RUNDC3B: variants seen among roughly 807,000 people sequenced by gnomAD.
RUNDC3B encodes the protein RUN domain containing 3B.
Under a neutral mutation model 58.4 loss-of-function variants are expected in RUNDC3B, and 33 were observed. The observed-to-expected ratio is 0.56, with a 90% CI of 0.43 to 0.75. RUNDC3B has a LOEUF of 0.75. RUNDC3B is among the 30% of genes least tolerant of loss of function. RUNDC3B has a pLI of 0.00. For synonymous variants in RUNDC3B, 193 were observed against 195.2 expected, an observed-to-expected ratio of 0.99 and a Z score of 0.10; for missense variants, 501 against 535.7, an observed-to-expected ratio of 0.94 and a Z score of 0.64.
chr7:87,766,134 T>A (rs548902918), intron 6 of RUNDC3B, among the ~76,000 whole-genome samples: 88 of 152,314 alleles, frequency 5.8e-4, no homozygotes, highest in Non-Finnish European at 9.4e-4. Flanking sequence ...TGTTTTCCTG[T>A]TGCATGATAC....
chr7:87,750,150 T>C (rs1235412725), intron 6 of RUNDC3B, among the ~76,000 whole-genome samples: 1 of 152,148 alleles, frequency 6.6e-6, no homozygotes, highest in Non-Finnish European at 1.5e-5. Flanking sequence ...GTTCTTGCGA[T>C]AGTTTACTGA....
intron 1 of RUNDC3B, chr7:87,629,310 T>C (rs1054962453): frequency 1.0e-5 from 2 of 192,244 alleles, no homozygotes; most frequent in Non-Finnish European, 2.1e-5. Flanking sequence ...GATAAAGTGG[T>C]AGTTACTGTG....
At chr7:87,684,248 T>C (rs1329667527) in intron 2 of RUNDC3B, among the ~76,000 whole-genome samples, 8 of 152,228 alleles carry the variant, frequency 5.3e-5, no homozygotes, top group Admixed American at 5.2e-4. Context: ...GTTGTTAAGA[T>C]GTCAGTTCTT....
intron 4 of RUNDC3B, among the ~76,000 whole-genome samples, chr7:87,725,869 G>T (rs988913026): frequency 7.1e-4 from 108 of 152,210 alleles, no homozygotes; most frequent in Admixed American, 1.0e-3. Context: ...TCATGTGTCT[G>T]TTGGCTGCAT....
chr7:87,737,140 C>A (rs1215401750), intron 4 of RUNDC3B, among the ~76,000 whole-genome samples: 4 of 151,574 alleles, frequency 2.6e-5, no homozygotes, highest in African/African-American at 7.3e-5. Flanking sequence ...CTCAAATGAT[C>A]TGCCTGTTAA....
chr7:87,829,825 T>C (rs1263912837), intron 10 of RUNDC3B, 60 bp from the exon 11 acceptor site: 2 of 1,232,070 alleles, frequency 1.6e-6, no homozygotes, highest in African/African-American at 1.5e-5. Flanking sequence ...GGTTTTAGGA[T>C]CTTATTTGTA....
chr7:87,691,542 A>C (rs1176342592), intron 2 of RUNDC3B, among the ~76,000 whole-genome samples: 2 of 152,198 alleles, frequency 1.3e-5, no homozygotes, highest in Non-Finnish European at 2.9e-5. Flanking sequence ...TTATAACAAA[A>C]GGTTTTGTTT....
chr7:87,775,836 G>A (rs1376100952), intron 7 of RUNDC3B, among the ~76,000 whole-genome samples: 1 of 152,132 alleles, frequency 6.6e-6, no homozygotes, highest in African/African-American at 2.4e-5. Context: ...GCCTAGTTGT[G>A]TAGTAGACTC....
intron 4 of RUNDC3B, among the ~76,000 whole-genome samples, chr7:87,715,328 T>TATAATCA (rs1324847668): frequency 4.1e-5 from 5 of 121,530 alleles, no homozygotes; most frequent in African/African-American, 1.4e-4. Context: ...ATAATAATTA[T>TATAATCA]ATATAATTAA....
chr7:87,714,316 G>T (rs1465914211), intron 4 of RUNDC3B, among the ~76,000 whole-genome samples: 2 of 152,160 alleles, frequency 1.3e-5, no homozygotes. Context: ...CAATGCACTG[G>T]ATATACCAGC....
At chr7:87,710,399 C>T (rs1829969750) in intron 3 of RUNDC3B, among the ~76,000 whole-genome samples, 171 bp from the exon 4 acceptor site, 1 of 152,126 alleles carries the variant, frequency 6.6e-6, no homozygotes, top group Non-Finnish European at 1.5e-5. Flanking sequence ...AAAATATATA[C>T]TCTAGATAAT....
Position 87,741,544 on chromosome 7 carries a change from A to G in RUNDC3B, c.594A>G (p.Val198=), listed in dbSNP as rs1381766682. Residue 198 remains valine, a synonymous_variant, in exon 6 of 11, where the codon GTA becomes GTG. Transcript: ENST00000394654. ...GGCTGGATGGCAGTTTTCCTGCTGT[A>G]ATAGACTATACACCATATTTGAAGT... ...GEGLDGSFPA[V]IDYTPYLKYI... is the part of the protein sequence containing the mutation. 3.1e-6 allele frequency: 5 copies of G among 1,589,400 alleles called. No individual in the cohort carries two copies. In the South Asian group the frequency reaches 3.4e-5, roughly 11 times the overall value.
intron 5 of RUNDC3B, among the ~76,000 whole-genome samples, 180 bp downstream of exon 5, chr7:87,740,060 G>T (rs1436386205): frequency 2.6e-5 from 4 of 152,026 alleles, no homozygotes; most frequent in Non-Finnish European, 5.9e-5. Flanking sequence ...TCAGAAAAGA[G>T]ACTGCCTGAA....
intron 10 of RUNDC3B, among the ~76,000 whole-genome samples, chr7:87,817,959 T>C (rs1837163207): frequency 6.6e-6 from 1 of 152,196 alleles, no homozygotes; most frequent in Non-Finnish European, 1.5e-5. Context: ...AGTGTAAATA[T>C]TGTGTCGAAC....
At chr7:87,784,093 G>A (rs1330403906) in intron 8 of RUNDC3B, among the ~76,000 whole-genome samples, 3 of 152,096 alleles carry the variant, frequency 2.0e-5, no homozygotes, top group African/African-American at 7.2e-5. Context: ...GTTCACTTTA[G>A]TTCTTTCTTA....
chr7:87,659,462 A>C (rs1824469935), intron 2 of RUNDC3B, among the ~76,000 whole-genome samples: 1 of 152,094 alleles, frequency 6.6e-6, no homozygotes, highest in South Asian at 2.1e-4. Flanking sequence ...TAAAAATCTT[A>C]CCTTTCTTTA....
At position 87,632,996 on chromosome 7, in the gene RUNDC3B, GTGA is replaced by G. The variant is rs768270229; in HGVS notation, c.122+4056_122+4058del. The stretch of plus-strand genomic sequence containing the variant: ...AGTGTGATAAGCACGGTGGAGACAA[GTGA>G]TGATTTCACAATTCAAGTGTTTTTA... On this transcript the variant is annotated intron_variant, in intron 1 of 10. Coordinates refer to ENST00000394654, the MANE Select transcript of RUNDC3B (RefSeq NM_001134405.2). 2.1e-3 allele frequency among the ~76,000 whole-genome samples: 324 copies of G among 152,286 alleles called. 4 individuals are homozygous for G. The highest frequency in any genetic ancestry group is 0.01 in the Middle Eastern group (3 of 294).
intron 2 of RUNDC3B, among the ~76,000 whole-genome samples, chr7:87,685,304 G>A (rs1827348657): frequency 6.6e-6 from 1 of 152,082 alleles, no homozygotes; most frequent in Admixed American, 6.6e-5. Context: ...CATCAAAGAA[G>A]ATACACATAT....
rs760896605 is a variant in RUNDC3B at position 87,702,098 on chromosome 7, G to C, written c.372+1544G>C. Among the ~76,000 whole-genome samples, 5 of 123,164 alleles carry C rather than the reference G, an allele frequency of 4.1e-5. No homozygotes were observed. In the East Asian group the frequency reaches 9.9e-4, roughly 24 times the overall value. 80.8% of individuals were successfully genotyped at this position (123,164 alleles called of 152,430 possible). A position where few individuals can be genotyped will look rare whatever the true frequency, so the allele number is the denominator to read the frequency against. Reference sequence around the variant, plus strand: ...GCGGAGCTTGCAGTGAGCAGAGATCGCGCCACTGCACTCCAGCCTGGGCAA... The same window carrying C: ...GCGGAGCTTGCAGTGAGCAGAGATCCCGCCACTGCACTCCAGCCTGGGCAA... On this transcript the variant is annotated intron_variant, in intron 3 of 10. Coordinates refer to ENST00000394654, the MANE Select transcript of RUNDC3B (RefSeq NM_001134405.2).
Sources: gnomAD v4.1 joint callset for allele counts (sites outside exome capture counted in the v4.1 genomes callset) on GRCh38, gnomAD v4.1.1 for gene constraint, MANE v1.5 for transcripts, NCBI Gene and HGNC (gene_info 2026-07-23, HGNC 2026-07-21) for gene names.